The following CLCN5 variants were observed in gnomAD, a reference collection of about 807,000 sequenced individuals.
CLCN5 encodes the protein Cl-/H+ antiporter 5, also known as H(+)/Cl(-) exchange transporter 5.
In CLCN5, 17 loss-of-function variants were observed where a neutral mutation model predicts 54.0. The observed-to-expected ratio is 0.31, with a 90% CI of 0.22 to 0.47. The LOEUF (loss-of-function observed/expected upper bound fraction) is 0.47, where lower values mean the gene tolerates loss of function less well. Ranked by LOEUF, CLCN5 falls within the 20% of genes least tolerant of loss-of-function variation. CLCN5 has a pLI of 1.00. For missense variants in CLCN5, 448 were observed against 646.7 expected (o/e 0.69, Z 3.33); for synonymous variants, 222 against 233.0 (o/e 0.95, Z 0.43).
chrX:50,066,953 T>A (rs1282439333), intron 4 of CLCN5, among the ~76,000 whole-genome samples: 1 of 111,944 alleles, frequency 8.9e-6, no homozygotes, highest in African/African-American at 3.3e-5. Flanking sequence ...GTTTAAAGAA[T>A]AATTATTAAG....
At chrX:49,954,746 C>A (rs1392715390) in intron 3 of CLCN5, among the ~76,000 whole-genome samples, 1 of 111,893 alleles carries the variant, frequency 8.9e-6, no homozygotes, top group Non-Finnish European at 1.9e-5. Context: ...AGAGCCTATA[C>A]TTACATTCTT....
intron 9 of CLCN5, among the ~76,000 whole-genome samples, chrX:50,083,243 T>C (rs1477365823): frequency 9.2e-6 from 1 of 109,023 alleles, no homozygotes; most frequent in African/African-American, 3.4e-5. Flanking sequence ...CTCAAAGATA[T>C]TGAGATTTCA....
intron 3 of CLCN5, among the ~76,000 whole-genome samples, chrX:49,948,865 A>G (rs782044674): frequency 8.9e-6 from 1 of 112,629 alleles, no homozygotes; most frequent in East Asian, 2.8e-4. Flanking sequence ...AATATTAGCT[A>G]CCAAAATCAC....
At chrX:49,923,106 C>T (rs1285734857) in intron 1 of CLCN5, among the ~76,000 whole-genome samples, 3 of 113,284 alleles carry the variant, frequency 2.6e-5, no homozygotes, top group Admixed American at 9.2e-5. Flanking sequence ...GCTTTTGAAT[C>T]GGAGTGTTTA....
intron 4 of CLCN5, among the ~76,000 whole-genome samples, chrX:50,049,870 A>C (rs1461984073): frequency 1.8e-5 from 2 of 111,949 alleles, no homozygotes; most frequent in Non-Finnish European, 3.8e-5. Context: ...TCTTCTCTTG[A>C]GTCCATGGCA....
chrX:50,074,122 G>A (rs1557191805), intron 6 of CLCN5, among the ~76,000 whole-genome samples: 3 of 112,078 alleles, frequency 2.7e-5, no homozygotes, highest in Admixed American at 9.5e-5. Context: ...AGCCATCTCA[G>A]AAAAATATTA....
At chrX:49,941,158 A>C (rs1234976591) in intron 3 of CLCN5, among the ~76,000 whole-genome samples, 1 of 110,055 alleles carries the variant, frequency 9.1e-6, no homozygotes, top group Non-Finnish European at 1.9e-5. Context: ...CTCCATCTCT[A>C]TAAAAATACA....
Position 50,078,968 on chromosome X carries a change from A to G in CLCN5, c.604-1626A>G, listed in dbSNP as rs5953360. On this transcript the variant is annotated intron_variant, in intron 7 of 14. Coordinates refer to ENST00000376091, the MANE Select transcript of CLCN5 (RefSeq NM_001127898.4). ...CTCCCAAGTAGCTGGGACTACAGGCACCCGCTACCACGCCCGGCTAATTTT... is the reference window on the plus strand; with the variant it reads ...CTCCCAAGTAGCTGGGACTACAGGCGCCCGCTACCACGCCCGGCTAATTTT... Among the ~76,000 whole-genome samples the G allele has an allele frequency of 2.6e-3, 290 of 111,430 alleles. 1 individual carries two copies. Among genetic ancestry groups the G allele is most frequent in the African/African-American group, 8.5e-3 (260 of 30,667 alleles).
At chrX:50,081,916 G>A (rs1557193254) in intron 9 of CLCN5, 69 bp downstream of exon 9, 1 of 955,091 alleles carries the variant, frequency 1.0e-6, no homozygotes, top group Non-Finnish European at 1.5e-6. Flanking sequence ...TAGGGGGTGA[G>A]AATTTGAGAG....
At chrX:50,002,900 G>C (rs1480985079) in intron 3 of CLCN5, among the ~76,000 whole-genome samples, 1 of 111,552 alleles carries the variant, frequency 9.0e-6, no homozygotes, top group African/African-American at 3.3e-5. Flanking sequence ...GAATAAATGA[G>C]CTATGTGTGA....
intron 3 of CLCN5, among the ~76,000 whole-genome samples, chrX:49,955,552 A>G (rs1557173799): frequency 9.1e-6 from 1 of 110,371 alleles, no homozygotes; most frequent in Admixed American, 9.6e-5. Context: ...TGTGCTTTCC[A>G]CTGTTCAATT....
intron 3 of CLCN5, among the ~76,000 whole-genome samples, chrX:49,982,379 A>G (rs1928779543): frequency 9.0e-6 from 1 of 111,369 alleles, no homozygotes; most frequent in East Asian, 2.8e-4. Context: ...GAAAAAAGCA[A>G]CTGTTACAAA....
chrX:50,081,897 A>G, intron 9 of CLCN5, 50 bp downstream of exon 9: 2 of 1,071,844 alleles, frequency 1.9e-6, no homozygotes, highest in Non-Finnish European at 2.6e-6. Flanking sequence ...AGCATAAATG[A>G]TACAATCTTA....
intron 3 of CLCN5, among the ~76,000 whole-genome samples, chrX:49,988,837 C>T (rs189236630): frequency 6.3e-5 from 7 of 110,827 alleles, no homozygotes; most frequent in African/African-American, 2.3e-4. Context: ...TGGGGGCTGG[C>T]ACCTGTCCTT....
intron 3 of CLCN5, among the ~76,000 whole-genome samples, chrX:49,975,684 G>A (rs971171958): frequency 2.7e-5 from 3 of 111,161 alleles, no homozygotes; most frequent in Non-Finnish European, 5.7e-5. Flanking sequence ...TTGATCACAC[G>A]GTCTCATCTA....
chrX:49,947,310 A>G (rs974024564), intron 3 of CLCN5, among the ~76,000 whole-genome samples: 7 of 110,929 alleles, frequency 6.3e-5, no homozygotes, highest in African/African-American at 9.8e-5. Flanking sequence ...ACTGAGACAG[A>G]GTGCTGGAGT....
At chrX:49,978,889 G>A (rs1318817511) in intron 3 of CLCN5, among the ~76,000 whole-genome samples, 2 of 111,415 alleles carry the variant, frequency 1.8e-5, no homozygotes, top group Non-Finnish European at 3.8e-5. Flanking sequence ...GTGTGGAAGG[G>A]TGGGGGATTG....
chrX:49,963,036 A>G, intron 3 of CLCN5, among the ~76,000 whole-genome samples: 1 of 112,081 alleles, frequency 8.9e-6, no homozygotes, highest in Middle Eastern at 4.7e-3. Flanking sequence ...AAGAAGTGAG[A>G]GACATAAATT....
At chrX:49,976,956 G>A (rs1473625604) in intron 3 of CLCN5, among the ~76,000 whole-genome samples, 2 of 111,562 alleles carry the variant, frequency 1.8e-5, no homozygotes, top group Non-Finnish European at 3.8e-5. Flanking sequence ...CTCCGGTACA[G>A]AAATGTTTCT....
Sources: gnomAD v4.1 joint callset for allele counts (sites outside exome capture counted in the v4.1 genomes callset) on GRCh38, gnomAD v4.1.1 for gene constraint, MANE v1.5 for transcripts, NCBI Gene and HGNC (gene_info 2026-07-23, HGNC 2026-07-21) for gene names.